ARHGAP32: variants seen among roughly 807,000 people sequenced by gnomAD.
The protein encoded by ARHGAP32 is rho GTPase-activating protein 32.
In ARHGAP32, 51 loss-of-function variants were observed where a neutral mutation model predicts 186.5. That is an observed-to-expected ratio of 0.27 (90% CI 0.22 to 0.35). The LOEUF is 0.35. Ranked by LOEUF, ARHGAP32 falls within the 10% of genes least tolerant of loss-of-function variation. The pLI is 1.00. For missense variants in ARHGAP32, 2,186 were observed against 2,623.5 expected, an observed-to-expected ratio of 0.83 and a Z score of 3.64; for synonymous variants, 950 against 964.3, an observed-to-expected ratio of 0.99 and a Z score of 0.27.
chr11:129,013,038 T>C (rs1373995754), intron 11 of ARHGAP32, among the ~76,000 whole-genome samples: 1 of 152,220 alleles, frequency 6.6e-6, no homozygotes, highest in Non-Finnish European at 1.5e-5. Context: ...CTCTGCTTCT[T>C]GGTTTGGCAA....
chr11:129,080,773 T>C (rs1164579524), intron 6 of ARHGAP32, among the ~76,000 whole-genome samples: 1 of 150,574 alleles, frequency 6.6e-6, no homozygotes, highest in African/African-American at 2.4e-5. Context: ...CTAAATGAAA[T>C]TGAAACAAGA....
rs1945421008 is a variant in ARHGAP32 at position 128,972,754 on chromosome 11, G to A, written c.3752C>T (p.Pro1251Leu). ...GATTTTATCGCTAGGTAAATTAGGA[G>A]GTGTGGGAGATTTGTCTGCAAATTC... ...PLEFADKSPT[P>L]PNLPSDKIYP... The change falls in exon 22 of 23, where the codon CCT (proline) becomes CTT (leucine). Residue 1251 changes from proline (P) to leucine (L), a missense_variant. Physicochemically the swap from Pro to Leu is moderately conservative, Grantham distance 98. Transcript: ENST00000682385. 4 of 1,613,974 alleles carry A rather than the reference G, an allele frequency of 2.5e-6. No individual in the cohort carries two copies. Among genetic ancestry groups the A allele is most frequent in the Middle Eastern group, 1.7e-4 (1 of 6,060 alleles).
At chr11:129,094,583 T>A (rs570945387) in intron 5 of ARHGAP32, among the ~76,000 whole-genome samples, 2 of 152,338 alleles carry the variant, frequency 1.3e-5, no homozygotes, top group East Asian at 3.9e-4. Context: ...GAAATGACCA[T>A]CACCTTTAAA....
intron 10 of ARHGAP32, among the ~76,000 whole-genome samples, chr11:129,052,813 CT>C: frequency 6.6e-6 from 1 of 152,048 alleles, no homozygotes; most frequent in East Asian, 1.9e-4. Flanking sequence ...TTTATTTCTC[CT>C]TTATATCTGA....
chr11:129,255,435 A>G (rs1200797372), intron 1 of ARHGAP32, among the ~76,000 whole-genome samples: 1 of 152,140 alleles, frequency 6.6e-6, no homozygotes, highest in African/African-American at 2.4e-5. Flanking sequence ...AAGCTTTTAC[A>G]GAAGAAAATA....
At chr11:129,263,840 A>C (rs1945357778) in intron 1 of ARHGAP32, among the ~76,000 whole-genome samples, 1 of 152,172 alleles carries the variant, frequency 6.6e-6, no homozygotes, top group Non-Finnish European at 1.5e-5. Flanking sequence ...GTTTCTCAGA[A>C]AGTGTAAAAA....
intron 2 of ARHGAP32, among the ~76,000 whole-genome samples, chr11:129,129,065 G>A (rs890476097): frequency 5.3e-5 from 8 of 151,480 alleles, no homozygotes; most frequent in African/African-American, 1.5e-4. Flanking sequence ...TGTGGGGAGC[G>A]CCTCTGCCCC....
At chr11:129,018,835 A>G (rs1938474543) in intron 11 of ARHGAP32, among the ~76,000 whole-genome samples, 1 of 152,188 alleles carries the variant, frequency 6.6e-6, no homozygotes, top group African/African-American at 2.4e-5. Context: ...ACTTTTTCCA[A>G]TAATACAGAA....
chr11:129,270,889 A>G (rs990638717), intron 1 of ARHGAP32, among the ~76,000 whole-genome samples: 6 of 152,154 alleles, frequency 3.9e-5, no homozygotes, highest in South Asian at 4.1e-4. Context: ...TGTCCTGTGC[A>G]TTACTGGATG....
intron 2 of ARHGAP32, among the ~76,000 whole-genome samples, chr11:129,159,009 TGA>T: frequency 6.6e-6 from 1 of 152,136 alleles, no homozygotes; most frequent in East Asian, 1.9e-4. Flanking sequence ...TTGAAATCAA[TGA>T]GAACAAAGAC....
At chr11:129,046,863 G>T (rs368832518) in intron 10 of ARHGAP32, among the ~76,000 whole-genome samples, 1 of 152,232 alleles carries the variant, frequency 6.6e-6, no homozygotes, top group Non-Finnish European at 1.5e-5. Flanking sequence ...GGTGGCTCAC[G>T]CCTGTAATCC....
chr11:128,976,523 A>T (rs1945545838), intron 20 of ARHGAP32, 40 bp downstream of exon 20: 1 of 1,509,406 alleles, frequency 6.6e-7, no homozygotes, highest in African/African-American at 1.4e-5. Flanking sequence ...CCTTTATGCA[A>T]TATATTATAG....
At chr11:129,172,782 G>C (rs1943795777) in intron 1 of ARHGAP32, among the ~76,000 whole-genome samples, 1 of 152,068 alleles carries the variant, frequency 6.6e-6, no homozygotes, top group Admixed American at 6.6e-5. Flanking sequence ...GAATCTCTGG[G>C]ACACAGCTAA....
At chr11:129,233,765 T>C (rs1220381458) in intron 1 of ARHGAP32, among the ~76,000 whole-genome samples, 1 of 152,024 alleles carries the variant, frequency 6.6e-6, no homozygotes, top group Non-Finnish European at 1.5e-5. Flanking sequence ...AAAAAAAGCC[T>C]GCAGAGTGAT....
chr11:129,078,836 G>C (rs996526314), intron 6 of ARHGAP32, among the ~76,000 whole-genome samples: 4 of 151,940 alleles, frequency 2.6e-5, no homozygotes, highest in African/African-American at 9.7e-5. Flanking sequence ...CCAGAGAAAG[G>C]TGAAACCAAC....
intron 22 of ARHGAP32, 89 bp from the exon 23 acceptor site, chr11:128,971,248 G>C: frequency 1.7e-6 from 2 of 1,195,340 alleles, no homozygotes; most frequent in Non-Finnish European, 1.2e-6. Context: ...AATTAAGGCT[G>C]GTTGGGTAGC....
At chr11:129,046,534 T>C (rs1042435096) in intron 10 of ARHGAP32, among the ~76,000 whole-genome samples, 1 of 152,096 alleles carries the variant, frequency 6.6e-6, no homozygotes, top group Admixed American at 6.5e-5. Context: ...CCAGGAGAGA[T>C]GTAAAGGGAA....
chr11:129,041,644 G>A (rs1372624378), intron 10 of ARHGAP32, among the ~76,000 whole-genome samples: 1 of 152,222 alleles, frequency 6.6e-6, no homozygotes, highest in Non-Finnish European at 1.5e-5. Flanking sequence ...AGTGTCAACA[G>A]ACTCTGGCTT....
rs192927147 is a variant in ARHGAP32 at position 129,077,671 on chromosome 11, C to A, written c.532-10803G>T. On this transcript the variant is annotated intron_variant, in intron 6 of 22. Transcript: ENST00000682385. ...CACCCAAGCTCAGATCCGCCTAACG[C>A]TACCCCCACCTGATGGTCTTTCTCT... 3.3e-5 allele frequency among the ~76,000 whole-genome samples: 5 copies of A among 152,252 alleles called. No individual in the cohort carries two copies. The East Asian group carries it at 9.7e-4, about 29-fold the overall frequency.
Sources: gnomAD v4.1 joint callset for allele counts (sites outside exome capture counted in the v4.1 genomes callset) on GRCh38, gnomAD v4.1.1 for gene constraint, MANE v1.5 for transcripts, NCBI Gene and HGNC (gene_info 2026-07-23, HGNC 2026-07-21) for gene names.